TEX35: variants seen among roughly 807,000 people sequenced by gnomAD.
TEX35 encodes the protein testis expressed 35, also known as testis-expressed protein 35.
TEX35 carries 26 observed loss-of-function variants against 31.9 expected under a neutral mutation model. That is an observed-to-expected ratio of 0.81 (90% confidence interval 0.60 to 1.13). TEX35 has a LOEUF of 1.13. Among genes scored for constraint, TEX35 ranks in the 50% most tolerant of loss-of-function variants. The pLI, the probability that TEX35 is intolerant of heterozygous loss-of-function variation, is 0.00. For missense variants in TEX35, 278 were observed against 273.5 expected, an observed-to-expected ratio of 1.02 and a Z score of -0.12; for synonymous variants, 87 against 90.7, an observed-to-expected ratio of 0.96 and a Z score of 0.23.
At chr1:178,521,680 C>T in intron 8 of TEX35, 1 of 1,552,058 alleles carries the variant, frequency 6.4e-7, no homozygotes, top group Middle Eastern at 1.7e-4. Context: ...AGCGCAGCTG[C>T]AGAACCTACC....
intron 1 of TEX35, 49 bp from the exon 2 acceptor site, chr1:178,513,978 C>G: frequency 6.2e-7 from 1 of 1,603,324 alleles, no homozygotes; most frequent in Non-Finnish European, 8.5e-7. Context: ...TGTTCTCCTC[C>G]CCAATCCTGA....
intron 8 of TEX35, chr1:178,521,814 G>A (rs138587624): frequency 6.5e-7 from 1 of 1,539,582 alleles, no homozygotes; most frequent in African/African-American, 1.4e-5. Flanking sequence ...AAAGCCAAAG[G>A]GGATGTCATG....
downstream of TEX35, among the ~76,000 whole-genome samples, chr1:178,522,812 C>A (rs1650332980): frequency 6.6e-6 from 1 of 152,158 alleles, no homozygotes; most frequent in South Asian, 2.1e-4. Flanking sequence ...CTTTGAGTTG[C>A]AAACAATCCA....
chr1:178,520,259 C>G, intron 5 of TEX35, 113 bp from the exon 6 acceptor site: 1 of 1,071,990 alleles, frequency 9.3e-7, no homozygotes, highest in African/African-American at 1.6e-5. Flanking sequence ...TCACCCAAGT[C>G]TAGCGAGGAT....
downstream of TEX35, chr1:178,522,766 A>G (rs1650332255): frequency 5.0e-6 from 3 of 602,948 alleles, no homozygotes; most frequent in Non-Finnish European, 6.5e-6. Flanking sequence ...TAAGCATGCC[A>G]TGGAGAATGG....
intron 5 of TEX35, among the ~76,000 whole-genome samples, chr1:178,517,887 G>T (rs1249001513): frequency 6.6e-6 from 1 of 151,952 alleles, no homozygotes; most frequent in Non-Finnish European, 1.5e-5. Context: ...TACAATGGAA[G>T]AAATTACAAA....
intron 8 of TEX35, 189 bp from the exon 9 acceptor site, chr1:178,522,135 AG>A (rs1429372744): frequency 1.1e-5 from 9 of 799,970 alleles, no homozygotes; most frequent in Admixed American, 3.0e-5. Flanking sequence ...GCATGGGGCC[AG>A]GGTGTCTTGG....
chr1:178,513,917 G>A (rs1572171528), intron 1 of TEX35, 110 bp from the exon 2 acceptor site: 1 of 1,290,752 alleles, frequency 7.7e-7, no homozygotes, highest in East Asian at 2.3e-5. Flanking sequence ...GGACAGGCAG[G>A]GTTGCATGGT....
chr1:178,522,013 G>A (rs2101898899), intron 8 of TEX35: 1 of 712,424 alleles, frequency 1.4e-6, no homozygotes, highest in South Asian at 2.0e-5. Context: ...AACGTCCCAG[G>A]TCATAGCATG....
At chr1:178,520,493 T>A in intron 6 of TEX35, 57 bp downstream of exon 6, 1 of 1,613,942 alleles carries the variant, frequency 6.2e-7, no homozygotes, top group Non-Finnish European at 8.5e-7. Context: ...TCCCTTCCCT[T>A]TGTTGGATCC....
At chr1:178,515,027 C>A (rs547104725) in intron 3 of TEX35, among the ~76,000 whole-genome samples, 2 of 152,346 alleles carry the variant, frequency 1.3e-5, no homozygotes, top group South Asian at 4.1e-4. Flanking sequence ...CAGGATCACA[C>A]ATTGCCTCGA....
rs79662719 is a variant in TEX35, at chr1:178,521,340, G to A, written c.586+76G>A. 9.9e-4 allele frequency: 1,501 copies of A among 1,519,512 alleles called. 14 individuals are homozygous for A. In the African/African-American group the frequency reaches 0.019, roughly 19 times the overall value. The allele number at this position is 1,519,512 out of a possible 1,614,324, so 94.1% of individuals were successfully genotyped here. A position where few individuals can be genotyped will look rare whatever the true frequency, so the allele number is the denominator to read the frequency against. On this transcript the variant is annotated intron_variant, in intron 8 of 8. Coordinates refer to ENST00000319416, the MANE Select transcript of TEX35 (RefSeq NM_032126.5). ...TCCCCAAGGCCATGTGCTCCCAGCCGCATTCACATCACACCCCTCCTGAGG... is the reference window on the plus strand; with the variant it reads ...TCCCCAAGGCCATGTGCTCCCAGCCACATTCACATCACACCCCTCCTGAGG...
In TEX35 at chr1:178,521,728, GCA is replaced by G. The variant is rs1052350568; in HGVS notation, c.586+467_586+468del. The G allele has an allele frequency of 1.9e-6, 3 of 1,551,638 alleles. No homozygotes were observed. In the African/African-American group the frequency reaches 4.1e-5, roughly 21 times the overall value. On this transcript the variant is annotated intron_variant, in intron 8 of 8. Transcript: ENST00000319416. ...TCATCACCTCCAAGCTCCTTAAGATGCACAGTCAGGGCTTCTTGTCCTGTTAA... is the reference window on the plus strand; with the variant it reads ...TCATCACCTCCAAGCTCCTTAAGATGCAGTCAGGGCTTCTTGTCCTGTTAA...
chr1:178,515,611 T>C (rs1650047643), intron 3 of TEX35, among the ~76,000 whole-genome samples: 1 of 152,088 alleles, frequency 6.6e-6, no homozygotes, highest in Non-Finnish European at 1.5e-5. Context: ...CTCGCTATGT[T>C]GCCCAGGCTG....
chr1:178,513,220 C>T lies in TEX35; in HGVS notation c.32C>T (p.Thr11Ile), dbSNP rs952134318. The change falls in exon 1 of 9, where the codon ACA becomes ATA. Residue 11 changes from threonine (T) to isoleucine (I), a missense_variant. Transcript: ENST00000319416. ...GCCAAGAGGGCAGAATTGAAGAAAA[C>T]ACATCTGGTAAAAGAGAGACATTGC... The part of the protein sequence containing the change: MSAKRAELKK[T>I]HLSKNYKAVC... The T allele has an allele frequency of 1.2e-6, 2 of 1,614,226 alleles. No individual in the cohort carries two copies. Among genetic ancestry groups the T allele is most frequent in the Non-Finnish European group, 8.5e-7 (1 of 1,180,042 alleles).
Position 178,516,644 on chromosome 1 carries a change from T to G in TEX35, c.246T>G (p.Asp82Glu), listed in dbSNP as rs972721876. 3 of 1,613,688 alleles carry G rather than the reference T, an allele frequency of 1.9e-6. No individual in the cohort carries two copies. The highest frequency in any genetic ancestry group is 3.3e-4 in the Middle Eastern group (2 of 6,060). ...QIKDLMDKDF[D>E]KLHEFVEIMK... ...AGGATCTAATGGACAAGGATTTTGA[T>G]AAACTTCACGAATTTGTGGAAATTA... The change falls in exon 5 of 9, where the codon GAT becomes GAG. Residue 82 changes from aspartate to glutamate, a missense_variant. By Grantham distance (45) the Asp-to-Glu change is conservative. Coordinates refer to ENST00000319416, the MANE Select transcript of TEX35 (RefSeq NM_032126.5).
At chr1:178,513,336 T>C in intron 1 of TEX35, 109 bp downstream of exon 1, 1 of 1,408,168 alleles carries the variant, frequency 7.1e-7, no homozygotes, top group Non-Finnish European at 9.9e-7. Context: ...TCTCTGGTTT[T>C]TCTTTCTCTG....
chr1:178,518,746 T>G (rs1233086826), intron 5 of TEX35, among the ~76,000 whole-genome samples: 7 of 152,350 alleles, frequency 4.6e-5, no homozygotes, highest in African/African-American at 1.4e-4. Flanking sequence ...ACAAAGGGCA[T>G]GCATTAATTA....
rs1572170608 is a variant in TEX35 at position 178,513,116 on chromosome 1, A to G, written c.-73A>G. On this transcript the variant is annotated 5_prime_UTR_variant, in exon 1 of 9. Coordinates refer to ENST00000319416, the MANE Select transcript of TEX35 (RefSeq NM_032126.5). ...TCACCCTGCCCTCACCTTGACCTGT[A>G]AGTTGCCTAGGACAGTGGCCTGGTC... The G allele has an allele frequency of 5.9e-6, 9 of 1,524,514 alleles. No homozygotes were observed. Among genetic ancestry groups the G allele is most frequent in the Non-Finnish European group, 8.2e-6 (9 of 1,099,946 alleles). The allele number at this position is 1,524,514 out of a possible 1,614,324, so 94.4% of individuals were successfully genotyped here.
Sources: allele counts gnomAD v4.1 joint callset (sites outside exome capture counted in the v4.1 genomes callset), GRCh38; gene constraint gnomAD v4.1.1; transcripts MANE v1.5; gene names NCBI Gene and HGNC (gene_info 2026-07-23, HGNC 2026-07-21).